The following CDK5RAP2 variants were observed in gnomAD, a reference collection of about 807,000 sequenced individuals.
The protein encoded by CDK5RAP2 is CDK5 regulatory subunit associated protein 2.
CDK5RAP2 carries 147 observed loss-of-function variants against 232.9 expected under a neutral mutation model. The observed-to-expected ratio is 0.63, with a 90% confidence interval of 0.55 to 0.72. The LOEUF is 0.72. Among genes scored for constraint, CDK5RAP2 ranks in the 30% least tolerant of loss-of-function variants. CDK5RAP2 has a pLI of 0.00. For missense variants in CDK5RAP2, 2,195 were observed against 2,231.5 expected (o/e 0.98, Z 0.33); for synonymous variants, 833 against 833.7 (o/e 1.00, Z 0.01).
At chr9:120,507,918 AAAAAAAAAAAAAAAAAAAAAAAAAATAT>A (rs1011123580) in intron 12 of CDK5RAP2, among the ~76,000 whole-genome samples, 1 of 35,984 alleles carries the variant, frequency 2.8e-5, no homozygotes, top group African/African-American at 7.0e-5. Context: ...ATTAAAAAAA[AAAAAAAAAAAAAAAAAAAAAAAAAATAT>A]ATATATATAT....
intron 36 of CDK5RAP2, among the ~76,000 whole-genome samples, 159 bp downstream of exon 36, chr9:120,394,353 C>T (rs2032270474): frequency 6.6e-6 from 1 of 152,122 alleles, no homozygotes; most frequent in Admixed American, 6.5e-5. Flanking sequence ...ATACATTTGT[C>T]TATGTGAGTC....
intron 5 of CDK5RAP2, among the ~76,000 whole-genome samples, chr9:120,542,427 C>A (rs2041671358): frequency 6.6e-6 from 1 of 151,916 alleles, no homozygotes; most frequent in Admixed American, 6.6e-5. Flanking sequence ...ATCACTTGAA[C>A]CCGGGTTGTA....
chr9:120,535,476 G>A (rs1316425977), intron 7 of CDK5RAP2, among the ~76,000 whole-genome samples: 1 of 152,228 alleles, frequency 6.6e-6, no homozygotes, highest in Non-Finnish European at 1.5e-5. Flanking sequence ...CAAGAAAAAG[G>A]AGCCAGTCAG....
chr9:120,405,653 G>T (rs1386596672), intron 32 of CDK5RAP2, among the ~76,000 whole-genome samples: 1 of 152,192 alleles, frequency 6.6e-6, no homozygotes, highest in African/African-American at 2.4e-5. Context: ...CTATTTAGAA[G>T]GTGGCAATAT....
At chr9:120,530,859 G>C (rs1232817456) in intron 7 of CDK5RAP2, among the ~76,000 whole-genome samples, 9 of 88,828 alleles carry the variant, frequency 1.0e-4, no homozygotes, top group Admixed American at 4.2e-4. Context: ...GCCTGTTGTG[G>C]GGTGGGGGGA....
intron 1 of CDK5RAP2, among the ~76,000 whole-genome samples, chr9:120,575,253 A>C (rs571533283): frequency 1.4e-4 from 22 of 152,152 alleles, no homozygotes; most frequent in African/African-American, 5.1e-4. Context: ...GAGATTCACC[A>C]CGTTGGCCAG....
chr9:120,453,974 T>G lies in CDK5RAP2; in HGVS notation c.2376-101A>C, dbSNP rs983133741. ...TTATCCCCACCTACTGTTGCCCAGA[T>G]TCCATCAAAACTAAATACAGTGTGT... On this transcript the variant is annotated intron_variant, in intron 20 of 37. Coordinates refer to ENST00000349780, the MANE Select transcript of CDK5RAP2 (RefSeq NM_018249.6). The G allele has an allele frequency of 2.1e-5, 26 of 1,215,064 alleles. No homozygotes were observed. The African/African-American group carries it at 3.6e-4, about 17-fold the overall frequency. The allele number at this position is 1,215,064 out of a possible 1,614,324, so 75.3% of individuals were successfully genotyped here.
chr9:120,486,963 G>A (rs891755925), intron 14 of CDK5RAP2, among the ~76,000 whole-genome samples: 1 of 152,176 alleles, frequency 6.6e-6, no homozygotes, highest in African/African-American at 2.4e-5. Flanking sequence ...AGGGCCTGCT[G>A]TGCCATTTTC....
chr9:120,404,170 G>T, intron 32 of CDK5RAP2, 57 bp from the exon 33 acceptor site: 2 of 1,101,462 alleles, frequency 1.8e-6, no homozygotes, highest in Non-Finnish European at 1.4e-6. Flanking sequence ...ATTCAAGAGA[G>T]AACTGAAAGA....
chr9:120,435,470 T>TACACACACACACAC lies in CDK5RAP2; in HGVS notation c.3955+1811_3955+1824dup, dbSNP rs55654634. Among the ~76,000 whole-genome samples, 146 of 147,408 alleles carry TACACACACACACAC rather than the reference T, an allele frequency of 9.9e-4. 1 individual carries two copies. The highest frequency in any genetic ancestry group is 3.5e-3 in the African/African-American group (141 of 39,996). On this transcript the variant is annotated intron_variant, in intron 25 of 37. Transcript: ENST00000349780. ...TTTTTTAAAAAATAAATTACACATTTACACACACACACACACACACACACA... is the reference window on the plus strand; with the variant it reads ...TTTTTTAAAAAATAAATTACACATTTACACACACACACACACACACACACACACACACACACACA...
intron 20 of CDK5RAP2, 79 bp from the exon 21 acceptor site, chr9:120,453,952 TC>T: frequency 7.1e-7 from 1 of 1,410,252 alleles, no homozygotes; most frequent in Non-Finnish European, 1.0e-6. Context: ...TCCCAAGTTA[TC>T]CCCACCTACT....
chr9:120,569,399 A>AT (rs1426017163), intron 2 of CDK5RAP2, among the ~76,000 whole-genome samples: 4 of 152,214 alleles, frequency 2.6e-5, no homozygotes, highest in Non-Finnish European at 5.9e-5. Context: ...AATAAAGTAG[A>AT]TAAGGATAGG....
chr9:120,552,077 A>C (rs918840594), intron 3 of CDK5RAP2, among the ~76,000 whole-genome samples: 17 of 151,786 alleles, frequency 1.1e-4, no homozygotes, highest in African/African-American at 3.4e-4. Context: ...ATGCAGCCAA[A>C]AGACACATGA....
intron 18 of CDK5RAP2, among the ~76,000 whole-genome samples, chr9:120,461,909 G>T (rs2037112608): frequency 1.3e-5 from 2 of 152,360 alleles, no homozygotes; most frequent in East Asian, 1.9e-4. Flanking sequence ...TGGGTCATTT[G>T]TTGGGCATGT....
chr9:120,506,602 C>A (rs1421043906), intron 12 of CDK5RAP2, among the ~76,000 whole-genome samples: 1 of 152,146 alleles, frequency 6.6e-6, no homozygotes, highest in East Asian at 1.9e-4. Context: ...TGAGAAGGGT[C>A]AAAATACCAA....
In CDK5RAP2 at chr9:120,400,747, C is replaced by G. The variant is rs756844439; in HGVS notation, c.5446G>C (p.Glu1816Gln). 1.2e-6 allele frequency: 2 copies of G among 1,613,628 alleles called. No homozygotes were observed. The highest frequency in any genetic ancestry group is 3.3e-5 in the Admixed American group (2 of 60,032). ...AAACATGTGTCACCACCTACCTGCT[C>G]ACAGTGAAGGGGGCACTGGCCATCC... ...PEDGQCPLHC[E>Q]QIGEMKAEVT... Residue 1816 changes from glutamate to glutamine, a missense_variant, in exon 35 of 38, where the codon GAG (glutamate) becomes CAG (glutamine). Glu to Gln is a conservative substitution (Grantham distance 29, BLOSUM62 2). Coordinates refer to ENST00000349780, the MANE Select transcript of CDK5RAP2 (RefSeq NM_018249.6).
At chr9:120,439,374 G>T (rs778491572) in intron 24 of CDK5RAP2, 25 bp downstream of exon 24, 2 of 1,594,860 alleles carry the variant, frequency 1.3e-6, no homozygotes, top group Non-Finnish European at 1.7e-6. Flanking sequence ...GGCTTAAACG[G>T]GGAGACGGCA....
At chr9:120,460,921 A>G (rs1290651924) in intron 18 of CDK5RAP2, among the ~76,000 whole-genome samples, 1 of 152,238 alleles carries the variant, frequency 6.6e-6, no homozygotes, top group East Asian at 1.9e-4. Flanking sequence ...AACTAAAGGC[A>G]TTGCCCCTTG....
chr9:120,425,530 C>T (rs2034838965), intron 25 of CDK5RAP2, among the ~76,000 whole-genome samples: 1 of 152,172 alleles, frequency 6.6e-6, no homozygotes, highest in South Asian at 2.1e-4. Flanking sequence ...CTAGTTATCC[C>T]ATCCATAACT....
Sources: gnomAD v4.1 joint callset for allele counts (sites outside exome capture counted in the v4.1 genomes callset) on GRCh38, gnomAD v4.1.1 for gene constraint, MANE v1.5 for transcripts, NCBI Gene and HGNC (gene_info 2026-07-23, HGNC 2026-07-21) for gene names.